The following CHLSN variants were observed in gnomAD, a reference collection of about 807,000 sequenced individuals.
The protein encoded by CHLSN is cholesin, also known as protein cholesin.
At chr7:1,120,492 A>C in the CHLSN span, among the ~76,000 whole-genome samples, 1 of 152,096 alleles carries the variant, frequency 6.6e-6, no homozygotes, top group Non-Finnish European at 1.5e-5. Flanking sequence ...GGGTTTCACC[A>C]TGTTGCCCCG....
the CHLSN span, among the ~76,000 whole-genome samples, chr7:1,132,711 A>AC: frequency 6.7e-6 from 1 of 149,184 alleles, no homozygotes; most frequent in Non-Finnish European, 1.5e-5. Context: ...AAAAAAAAAA[A>AC]AAAAAGACAC....
the CHLSN span, among the ~76,000 whole-genome samples, chr7:1,011,866 G>A: frequency 1.3e-5 from 2 of 152,326 alleles, no homozygotes; most frequent in South Asian, 4.1e-4. Flanking sequence ...CAGAGAGGCT[G>A]AAGAGTCCCG....
chr7:997,931 G>C, the CHLSN span: 1 of 827,194 alleles, frequency 1.2e-6, no homozygotes, highest in Admixed American at 3.0e-5. Flanking sequence ...GCGGCCCGAG[G>C]GTGTGGGCGG....
chr7:1,083,147 A>G, the CHLSN span, among the ~76,000 whole-genome samples: 1 of 152,356 alleles, frequency 6.6e-6, no homozygotes, highest in South Asian at 2.1e-4. Flanking sequence ...AGAGAACCCA[A>G]GGATGCGCCC....
At chr7:1,079,858 GTTGT>G in the CHLSN span, among the ~76,000 whole-genome samples, 13 of 152,266 alleles carry the variant, frequency 8.5e-5, no homozygotes, top group South Asian at 2.1e-4. Flanking sequence ...TCTCTGAAGG[GTTGT>G]TTAAGCAGCG....
the CHLSN span, among the ~76,000 whole-genome samples, chr7:1,005,909 G>A: frequency 6.4e-4 from 98 of 152,352 alleles, no homozygotes; most frequent in African/African-American, 2.3e-3. Flanking sequence ...CCCCGAAAAT[G>A]GTGAGCTAAA....
the CHLSN span, chr7:1,028,274 A>G: frequency 4.6e-6 from 5 of 1,082,524 alleles, no homozygotes; most frequent in African/African-American, 3.4e-5. Flanking sequence ...CCCGGCTGTC[A>G]GGTCCCGCGG....
chr7:984,818 CG>C, the CHLSN span: 16 of 1,299,080 alleles, frequency 1.2e-5, no homozygotes, highest in African/African-American at 1.5e-5. Flanking sequence ...CCCAGGGGGA[CG>C]GGAGTGGGGA....
the CHLSN span, among the ~76,000 whole-genome samples, chr7:1,002,734 ATCCTGTGGGTGGGGAG>A: frequency 2.0e-4 from 9 of 45,974 alleles, no homozygotes; most frequent in African/African-American, 9.4e-4. Context: ...GGTGAGTGGA[ATCCTGTGGGTGGGGAG>A]TCCTGTGGGT....
chr7:1,012,877 GCTCA>G, the CHLSN span, among the ~76,000 whole-genome samples: 1 of 152,198 alleles, frequency 6.6e-6, no homozygotes, highest in African/African-American at 2.4e-5. Context: ...CTATGCTCGC[GCTCA>G]CTGTCCTGGA....
At chr7:1,023,030 C>T in the CHLSN span, 2 of 457,104 alleles carry the variant, frequency 4.4e-6, no homozygotes, top group South Asian at 3.1e-5. The surrounding 1 kb of genome is among the most constrained non-coding windows in gnomAD (Gnocchi z 5.0). Flanking sequence ...CGCCCCGCCC[C>T]TGCGGAGCAC....
the CHLSN span, chr7:997,810 C>A: frequency 1.3e-6 from 2 of 1,599,400 alleles, no homozygotes; most frequent in Non-Finnish European, 1.7e-6. Context: ...GGAACCTGGA[C>A]GGGAAAGAGA....
chr7:1,017,552 T>G, the CHLSN span, among the ~76,000 whole-genome samples: 1 of 149,602 alleles, frequency 6.7e-6, no homozygotes, highest in African/African-American at 2.5e-5. Flanking sequence ...GCAGGGGAGG[T>G]GGGGAGGGCT....
the CHLSN span, among the ~76,000 whole-genome samples, chr7:999,501 G>A: frequency 6.6e-6 from 1 of 152,236 alleles, no homozygotes; most frequent in Admixed American, 6.5e-5. Context: ...CTTGAGCCCA[G>A]GAGGTCGAGG....
chr7:1,062,013 C>T, the CHLSN span, among the ~76,000 whole-genome samples: 5 of 152,240 alleles, frequency 3.3e-5, no homozygotes, highest in Non-Finnish European at 7.3e-5. Flanking sequence ...CCCAACTCCC[C>T]AATTCTTCCC....
the CHLSN span, chr7:997,718 TTC>T: frequency 1.9e-6 from 3 of 1,611,704 alleles, no homozygotes; most frequent in Non-Finnish European, 2.5e-6. Context: ...GCATCAGGGC[TTC>T]CGCCTTCTGC....
chr7:1,107,519 T>C, the CHLSN span, among the ~76,000 whole-genome samples: 2 of 152,302 alleles, frequency 1.3e-5, no homozygotes, highest in East Asian at 3.9e-4. Context: ...AATCACAGAA[T>C]TCGCCGTGGC....
At chr7:1,000,983 C>T in the CHLSN span, among the ~76,000 whole-genome samples, 49 of 152,340 alleles carry the variant, frequency 3.2e-4, no homozygotes, top group East Asian at 5.8e-4. Context: ...GCCCTCACAA[C>T]AAGGGGCCAG....
the CHLSN span, among the ~76,000 whole-genome samples, chr7:1,131,153 T>G: frequency 7.2e-6 from 1 of 139,550 alleles, no homozygotes; most frequent in African/African-American, 2.8e-5. Flanking sequence ...ACTGTACCAC[T>G]GCACTCCAGC....
Sources: gnomAD v4.1 joint callset for allele counts (sites outside exome capture counted in the v4.1 genomes callset) on GRCh38, gnomAD v4.1.1 for gene constraint, Gnocchi (gnomAD v3.1) non-coding constraint, MANE v1.5 for transcripts, NCBI Gene and HGNC (gene_info 2026-07-23, HGNC 2026-07-21) for gene names.